Variants in SCN2A observed in about 807,000 individuals in gnomAD.
The protein encoded by SCN2A is sodium channel protein type 2 subunit alpha.
Under a neutral mutation model 188.7 loss-of-function variants are expected in SCN2A, and 20 were observed. That is an observed-to-expected ratio of 0.11 (90% CI 0.07 to 0.15). SCN2A has a LOEUF of 0.15. Among genes scored for constraint, SCN2A ranks in the 10% least tolerant of loss-of-function variants. SCN2A has a pLI of 1.00. For missense variants in SCN2A, 1,278 were observed against 2,445.0 expected (o/e 0.52, Z 10.07); for synonymous variants, 804 against 833.1 (o/e 0.97, Z 0.60).
At chr2:165,383,802 GATAA>G (rs1701727512) in intron 25 of SCN2A, among the ~76,000 whole-genome samples, 1 of 152,084 alleles carries the variant, frequency 6.6e-6, no homozygotes, top group Non-Finnish European at 1.5e-5. Flanking sequence ...TGCACAACTG[GATAA>G]ATACTGATGT....
At chr2:165,267,831 A>C (rs1454229665) in intron 1 of SCN2A, 1 of 152,010 alleles carries the variant, frequency 6.6e-6, no homozygotes, top group African/African-American at 2.4e-5. Context: ...ACAAATGGCC[A>C]ACAAGTGTAT....
At chr2:165,265,501 A>G (rs1244367160) in intron 1 of SCN2A, among the ~76,000 whole-genome samples, 1 of 126,778 alleles carries the variant, frequency 7.9e-6, no homozygotes, top group Non-Finnish European at 1.7e-5. Flanking sequence ...ATATATATAT[A>G]TATATATATA....
chr2:165,313,670 A>G lies in SCN2A; in HGVS notation c.1085A>G (p.Tyr362Cys), dbSNP rs1559355561. 1 of 1,613,602 alleles carries G rather than the reference A, an allele frequency of 6.2e-7. No individual in the cohort carries two copies. Among genetic ancestry groups the G allele is most frequent in the Non-Finnish European group, 8.5e-7 (1 of 1,179,594 alleles). ...ICVKAGRNPN[Y>C]GYTSFDTFSW... is the part of the protein sequence containing the mutation. ...GTGAAGGCTGGTAGAAACCCCAACT[A>G]TGGCTACACGAGCTTTGACACCTTT... is the stretch of plus-strand genomic sequence containing the variant. Residue 362 changes from tyrosine (Y) to cysteine (C), a missense_variant, in exon 9 of 27, where the codon TAT (tyrosine) becomes TGT (cysteine). Tyr to Cys is a radical substitution (Grantham distance 194). Coordinates refer to ENST00000375437, the MANE Select transcript of SCN2A (RefSeq NM_001040142.2).
chr2:165,307,221 C>T (rs887595144), intron 3 of SCN2A, among the ~76,000 whole-genome samples: 15 of 152,212 alleles, frequency 9.9e-5, no homozygotes, highest in South Asian at 6.2e-4. Flanking sequence ...TCATAGCAAT[C>T]CTGTTACATG....
intron 13 of SCN2A, among the ~76,000 whole-genome samples, chr2:165,329,952 A>G (rs1047596223): frequency 9.9e-5 from 15 of 152,190 alleles, no homozygotes; most frequent in African/African-American, 3.6e-4. Context: ...TGACAAATCT[A>G]TTTTTAGTGG....
At chr2:165,335,420 G>C (rs1472500642) in intron 14 of SCN2A, among the ~76,000 whole-genome samples, 1 of 151,574 alleles carries the variant, frequency 6.6e-6, no homozygotes, top group East Asian at 1.9e-4. Context: ...TACATCAATG[G>C]AATAAAATTG....
At chr2:165,376,442 A>G (rs1327370866) in intron 22 of SCN2A, among the ~76,000 whole-genome samples, 1 of 151,972 alleles carries the variant, frequency 6.6e-6, no homozygotes, top group Non-Finnish European at 1.5e-5. Flanking sequence ...ACAACAATAA[A>G]ATAAAATTTT....
intron 1 of SCN2A, chr2:165,271,772 A>G (rs1276834948): frequency 6.6e-6 from 1 of 151,872 alleles, no homozygotes; most frequent in Non-Finnish European, 1.5e-5. Flanking sequence ...ACTATAGCTT[A>G]GTTTTACCAG....
At chr2:165,362,999 G>T (rs765435007) in intron 17 of SCN2A, among the ~76,000 whole-genome samples, 1 of 152,110 alleles carries the variant, frequency 6.6e-6, no homozygotes, top group East Asian at 1.9e-4. Flanking sequence ...GTCATTTAAA[G>T]TATTGGCAAC....
intron 1 of SCN2A, among the ~76,000 whole-genome samples, chr2:165,284,042 GTTCTCTCTCTCTCTCT>G (rs1214626481): frequency 6.7e-6 from 1 of 149,430 alleles, no homozygotes; most frequent in Non-Finnish European, 1.5e-5. Context: ...CTCCTCTCTA[GTTCTCTCTCTCTCTCT>G]TTCTCTCTCT....
chr2:165,271,108 G>A (rs1012007811), intron 1 of SCN2A: 5 of 152,014 alleles, frequency 3.3e-5, no homozygotes, highest in African/African-American at 1.2e-4. Flanking sequence ...AGATAAATCG[G>A]GTACTACCTT....
Position 165,389,362 on chromosome 2 carries a change from C to T in SCN2A, c.5556C>T (p.Ile1852=). 1 of 1,614,050 alleles carries T rather than the reference C, an allele frequency of 6.2e-7. No homozygotes were observed. The highest frequency in any genetic ancestry group is 8.5e-7 in the Non-Finnish European group (1 of 1,179,994). Residue 1852 remains isoleucine (I), a synonymous_variant, in exon 27 of 27, where the codon ATC becomes ATT. Coordinates refer to ENST00000375437, the MANE Select transcript of SCN2A (RefSeq NM_001040142.2). The surrounding 1 kb of genome is among the most constrained non-coding windows in gnomAD (Gnocchi z 4.2). ...MDLPMVSGDR[I]HCLDILFAFT... ...TGCCCATGGTGAGTGGTGACCGGAT[C>T]CACTGTCTTGACATCTTATTTGCTT...
At chr2:165,355,161 G>T (rs1387224446) in intron 17 of SCN2A, among the ~76,000 whole-genome samples, 4 of 152,134 alleles carry the variant, frequency 2.6e-5, no homozygotes, top group Admixed American at 6.5e-5. Flanking sequence ...ATCTGATTGG[G>T]ATCTTGGCTT....
intron 17 of SCN2A, 95 bp from the exon 18 acceptor site, chr2:165,365,048 C>A: frequency 8.8e-7 from 1 of 1,131,976 alleles, no homozygotes; most frequent in Non-Finnish European, 1.3e-6. Context: ...CAAGAAAATG[C>A]ATACAGAAGA....
chr2:165,313,606 T>C lies in SCN2A; in HGVS notation c.1035-14T>C. On this transcript the variant is annotated splice_polypyrimidine_tract_variant and intron_variant, in intron 8 of 26. Transcript: ENST00000375437. ...CGTTATTGACTTCCTTTCTTTCCTC[T>C]AACCTAATTATAGCCAGTGTCCTGA... 1 of 1,613,144 alleles carries C rather than the reference T, an allele frequency of 6.2e-7. No individual in the cohort carries two copies. The highest frequency in any genetic ancestry group is 1.1e-5 in the South Asian group (1 of 91,072).
intron 1 of SCN2A, chr2:165,286,020 GC>G (rs1695812860): frequency 5.2e-6 from 1 of 194,128 alleles, no homozygotes; most frequent in East Asian, 1.3e-4. Context: ...GATGAAAGGG[GC>G]CCACAGGAGG....
At position 165,302,651 on chromosome 2, in the gene SCN2A, T is replaced by A. The variant is rs187648819; in HGVS notation, c.387-5197T>A. Among the ~76,000 whole-genome samples the A allele has an allele frequency of 2.0e-3, 307 of 152,304 alleles. 2 individuals carry two copies. The highest frequency in any genetic ancestry group is 0.016 in the East Asian group (83 of 5,180). ...AAGAAAAGTATTATCCACATTTATA[T>A]AAGAAAACTGAGCCTCAAAGAATTA... On this transcript the variant is annotated intron_variant, in intron 3 of 26. Coordinates refer to ENST00000375437, the MANE Select transcript of SCN2A (RefSeq NM_001040142.2).
intron 25 of SCN2A, among the ~76,000 whole-genome samples, chr2:165,383,898 TGAGA>T: frequency 6.6e-6 from 1 of 151,662 alleles, no homozygotes. Context: ...CGAGTCAGAG[TGAGA>T]GAGTGAGAGG....
At chr2:165,341,777 T>C (rs538110797) in intron 14 of SCN2A, among the ~76,000 whole-genome samples, 1 of 152,294 alleles carries the variant, frequency 6.6e-6, no homozygotes, top group African/African-American at 2.4e-5. Flanking sequence ...ATAATAGAAA[T>C]GGAGAAAGGA....
Sources: allele counts gnomAD v4.1 joint callset (sites outside exome capture counted in the v4.1 genomes callset), GRCh38; gene constraint gnomAD v4.1.1; non-coding constraint Gnocchi (gnomAD v3.1); transcripts MANE v1.5; gene names NCBI Gene and HGNC (gene_info 2026-07-23, HGNC 2026-07-21).